Variants in LOXHD1 observed in about 807,000 individuals in gnomAD.
LOXHD1 encodes the protein lipoxygenase homology domain-containing protein 1.
In LOXHD1, 205 loss-of-function variants were observed where a neutral mutation model predicts 248.2. That is an observed-to-expected ratio of 0.83 (90% CI 0.74 to 0.93). LOXHD1 has a LOEUF of 0.93. Ranked by LOEUF, LOXHD1 falls within the 40% of genes least tolerant of loss-of-function variation. LOXHD1 has a pLI of 0.00. For missense variants in LOXHD1, 2,930 were observed against 2,971.6 expected (o/e 0.99, Z 0.33); for synonymous variants, 1,113 against 1,162.8 (o/e 0.96, Z 0.87).
Position 46,477,559 on chromosome 18 carries a change from G to A in LOXHD1, c.6735C>T (p.Gly2245=), listed in dbSNP as rs370924592. 2.9e-5 allele frequency: 45 copies of A among 1,551,564 alleles called. No individual in the cohort carries two copies. Among genetic ancestry groups the A allele is most frequent in the African/African-American group, 6.8e-5 (5 of 73,072 alleles). Residue 2245 remains glycine (G), a synonymous_variant, in exon 41 of 41, where the codon GGC becomes GGT. Transcript: ENST00000642948. ...EKVEVTNTST[G]VATIFNCGRW... is the part of the protein sequence containing the mutation. ...TGCCACAGTTGAAGATGGTGGCCAC[G>A]CCGGTGCTGGTGTTGGTGACCTCCA...
intron 4 of LOXHD1, among the ~76,000 whole-genome samples, chr18:46,619,824 C>T (rs764289127): frequency 5.3e-5 from 8 of 152,208 alleles, no homozygotes; most frequent in Non-Finnish European, 8.8e-5. Context: ...CTCCTCAATC[C>T]TCACTTGAGG....
intron 34 of LOXHD1, among the ~76,000 whole-genome samples, chr18:46,510,182 T>C (rs8084298): frequency 6.6e-6 from 1 of 152,178 alleles, no homozygotes; most frequent in Non-Finnish European, 1.5e-5. Context: ...GGAGACCAAA[T>C]GGATGTGAAA....
chr18:46,552,793 A>G (rs1254291767), intron 21 of LOXHD1, among the ~76,000 whole-genome samples: 1 of 152,102 alleles, frequency 6.6e-6, no homozygotes, highest in Non-Finnish European at 1.5e-5. Flanking sequence ...GGATGCCCTC[A>G]TCTGCTCCTC....
chr18:46,567,784 A>G lies in LOXHD1; in HGVS notation c.2245-1335T>C, dbSNP rs917957119. Among the ~76,000 whole-genome samples, 7 of 152,246 alleles carry G rather than the reference A, an allele frequency of 4.6e-5. No homozygotes were observed. In the South Asian group the frequency reaches 8.3e-4, roughly 18 times the overall value. ...GAAAACGGAGGCAAACAGAGGTTAA[A>G]TAACTTACATATGGCAGGTAAGTGG... On this transcript the variant is annotated intron_variant, in intron 16 of 40. Coordinates refer to ENST00000642948, the MANE Select transcript of LOXHD1 (RefSeq NM_001384474.1).
intron 24 of LOXHD1, 133 bp from the exon 25 acceptor site, chr18:46,542,073 G>T: frequency 1.2e-6 from 1 of 814,104 alleles, no homozygotes; most frequent in Non-Finnish European, 1.9e-6. Flanking sequence ...CCTTTTGCTT[G>T]CAGCATTGCT....
At chr18:46,630,132 A>T (rs2038801102) in intron 4 of LOXHD1, among the ~76,000 whole-genome samples, 1 of 152,200 alleles carries the variant, frequency 6.6e-6, no homozygotes, top group Non-Finnish European at 1.5e-5. Context: ...CTCTGAATGC[A>T]AGGGGCCTCT....
At chr18:46,524,657 C>A in intron 30 of LOXHD1, 51 bp downstream of exon 30, 1 of 1,551,194 alleles carries the variant, frequency 6.4e-7, no homozygotes, top group South Asian at 1.2e-5. Context: ...CCTCGAGGGA[C>A]CTCCCCTAGG....
intron 34 of LOXHD1, among the ~76,000 whole-genome samples, chr18:46,511,095 G>A (rs965382582): frequency 3.5e-4 from 54 of 152,190 alleles, no homozygotes; most frequent in African/African-American, 1.3e-3. Context: ...TGGTGGGACA[G>A]GTGTAAGGAA....
intron 37 of LOXHD1, among the ~76,000 whole-genome samples, chr18:46,504,266 T>C (rs535132562): frequency 3.3e-5 from 5 of 152,196 alleles, no homozygotes; most frequent in African/African-American, 1.2e-4. Flanking sequence ...CCACCACACT[T>C]GGCTAATGTT....
Position 46,481,334 on chromosome 18 carries a change from C to T in LOXHD1, c.6341+2253G>A, listed in dbSNP as rs571084229. ...AGCAGAGACCACTGAGAACTGCAGG[C>T]GACAGGTTTTCATCCAGCAGAGAAT... On this transcript the variant is annotated intron_variant, in intron 40 of 40. Coordinates refer to ENST00000642948, the MANE Select transcript of LOXHD1 (RefSeq NM_001384474.1). Among the ~76,000 whole-genome samples, 11 of 152,152 alleles carry T rather than the reference C, an allele frequency of 7.2e-5. No homozygotes were observed. In the East Asian group the frequency reaches 1.4e-3, roughly 19 times the overall value.
Position 46,610,851 on chromosome 18 carries a change from C to T in LOXHD1, c.684G>A (p.Pro228=), listed in dbSNP as rs1354726383. Residue 228 remains proline, a synonymous_variant, in exon 6 of 41, where the codon CCG becomes CCA. Transcript: ENST00000642948. ...GAEDRFILDA[P]DLGQLMKINV... is the part of the protein sequence containing the mutation. ...TGATCTTCATCAGCTGCCCCAAATC[C>T]GGGGCATCCAGGATGAACCTGTCTT... 6.4e-6 allele frequency: 10 copies of T among 1,551,654 alleles called. No individual in the cohort carries two copies. The highest frequency in any genetic ancestry group is 5.5e-5 in the African/African-American group (4 of 73,054).
intron 1 of LOXHD1, among the ~76,000 whole-genome samples, chr18:46,651,497 A>G (rs1221623822): frequency 6.6e-6 from 1 of 152,120 alleles, no homozygotes; most frequent in Non-Finnish European, 1.5e-5. Context: ...TGGAAATTCT[A>G]GAGCCACACC....
chr18:46,529,396 T>C (rs1451191160), intron 28 of LOXHD1, 65 bp from the exon 29 acceptor site: 1 of 1,476,058 alleles, frequency 6.8e-7, no homozygotes, highest in Non-Finnish European at 9.0e-7. Flanking sequence ...CTTTAGGTCT[T>C]GAGGAACTGG....
At chr18:46,545,661 G>A (rs71364548) in intron 22 of LOXHD1, among the ~76,000 whole-genome samples, 13 of 102,382 alleles carry the variant, frequency 1.3e-4, no homozygotes, top group African/African-American at 6.4e-4. Context: ...ACGGAGTCTC[G>A]CTCTGTCGCC....
At chr18:46,545,266 T>C (rs1402719580) in intron 23 of LOXHD1, 51 bp downstream of exon 23, 1 of 1,352,010 alleles carries the variant, frequency 7.4e-7, no homozygotes, top group Non-Finnish European at 1.0e-6. Flanking sequence ...AGTCTTCTGG[T>C]CTCCCTGGGG....
rs56323729 is a variant in LOXHD1, at chr18:46,545,627, C to CTT, written c.3515-208_3515-207dup. The stretch of plus-strand genomic sequence containing the variant: ...GTTTCTATGTTCCTCTTGGCCATTT[C>CTT]TTTTTTTTTTTTTTTTTTTTGAGAC... On this transcript the variant is annotated intron_variant, in intron 22 of 40. Coordinates refer to ENST00000642948, the MANE Select transcript of LOXHD1 (RefSeq NM_001384474.1). Among the ~76,000 whole-genome samples the CTT allele has an allele frequency of 1.1e-3, 99 of 92,236 alleles. 1 individual carries two copies. Among genetic ancestry groups the CTT allele is most frequent in the Middle Eastern group, 0.016 (2 of 126 alleles). The allele number at this position is 92,236 out of a possible 152,430, so 60.5% of individuals were successfully genotyped here.
chr18:46,581,726 CAA>C (rs963836605), intron 12 of LOXHD1, among the ~76,000 whole-genome samples: 1 of 152,076 alleles, frequency 6.6e-6, no homozygotes, highest in African/African-American at 2.4e-5. Flanking sequence ...ATGATAAATT[CAA>C]AGAGATCTAC....
intron 34 of LOXHD1, among the ~76,000 whole-genome samples, chr18:46,514,129 G>A (rs1164774497): frequency 1.3e-5 from 2 of 152,218 alleles, no homozygotes; most frequent in Non-Finnish European, 2.9e-5. Context: ...TGGTTTGAGA[G>A]TAGAACAAGG....
Position 46,545,333 on chromosome 18 carries a change from G to T in LOXHD1, c.3603C>A (p.Gly1201=). Residue 1201 remains glycine, a synonymous_variant, in exon 23 of 41, where the codon GGC becomes GGA. Transcript: ENST00000642948. ...TDANVFITLF[G]TQDDTGMTLL... ...CTTTCTTACCAGTGTCATCCTGTGT[G>T]CCAAAGAGTGTGATGAAGACATTAG... 2 of 1,551,456 alleles carry T rather than the reference G, an allele frequency of 1.3e-6. No individual in the cohort carries two copies. The highest frequency in any genetic ancestry group is 8.7e-7 in the Non-Finnish European group (1 of 1,146,694).
Sources: allele counts gnomAD v4.1 joint callset (sites outside exome capture counted in the v4.1 genomes callset), GRCh38; gene constraint gnomAD v4.1.1; transcripts MANE v1.5; gene names NCBI Gene and HGNC (gene_info 2026-07-23, HGNC 2026-07-21).